The following GPR149 variants were observed in gnomAD, a reference collection of about 807,000 sequenced individuals.
GPR149 encodes the protein probable G protein-coupled receptor 149.
GPR149 carries 50 observed loss-of-function variants against 50.2 expected under a neutral mutation model. That is an observed-to-expected ratio of 1.00 (90% CI 0.79 to 1.26). The LOEUF (loss-of-function observed/expected upper bound fraction) is 1.26, where lower values mean the gene tolerates loss of function less well. Ranked by LOEUF, GPR149 falls within the 50% of genes most tolerant of loss-of-function variation. The pLI is 0.00. For synonymous variants in GPR149, 405 were observed against 358.2 expected, an observed-to-expected ratio of 1.13 and a Z score of -1.48; for missense variants, 983 against 895.4, an observed-to-expected ratio of 1.10 and a Z score of -1.25.
chr3:154,404,788 G>A (rs1711637585), intron 3 of GPR149, among the ~76,000 whole-genome samples: 1 of 152,120 alleles, frequency 6.6e-6, no homozygotes, highest in Non-Finnish European at 1.5e-5. Flanking sequence ...TGAATACTAA[G>A]TGAGCAATTT....
chr3:154,383,272 A>C (rs1714973268), intron 3 of GPR149, among the ~76,000 whole-genome samples: 1 of 152,170 alleles, frequency 6.6e-6, no homozygotes, highest in African/African-American at 2.4e-5. Flanking sequence ...TGGGGGCGAG[A>C]CATTCCACTG....
intron 3 of GPR149, among the ~76,000 whole-genome samples, chr3:154,371,158 C>T (rs1714656008): frequency 6.6e-6 from 1 of 152,136 alleles, no homozygotes; most frequent in Non-Finnish European, 1.5e-5. Context: ...CATTTAAAAG[C>T]TCAAGGTTTA....
chr3:154,419,317 G>A (rs1396896085), intron 3 of GPR149, among the ~76,000 whole-genome samples: 3 of 152,044 alleles, frequency 2.0e-5, no homozygotes, highest in African/African-American at 4.8e-5. Context: ...TGCAAGCAGT[G>A]TCTGATTCTT....
intron 3 of GPR149, among the ~76,000 whole-genome samples, chr3:154,397,014 T>A (rs146966220): frequency 6.6e-6 from 1 of 152,130 alleles, no homozygotes; most frequent in East Asian, 1.9e-4. Flanking sequence ...GTAACTTGGG[T>A]GTTTGAGTCT....
intron 3 of GPR149, among the ~76,000 whole-genome samples, chr3:154,360,563 G>A (rs1362633805): frequency 1.3e-5 from 2 of 152,170 alleles, no homozygotes; most frequent in African/African-American, 2.4e-5. Flanking sequence ...CCAATAAGTG[G>A]TAGAACTGGA....
Position 154,427,694 on chromosome 3 carries a change from G to A in GPR149, c.996C>T (p.Val332=), listed in dbSNP as rs1236399773. The A allele has an allele frequency of 6.2e-7, 1 of 1,612,544 alleles. No homozygotes were observed. The highest frequency in any genetic ancestry group is 8.5e-7 in the Non-Finnish European group (1 of 1,179,222). ...LWLPMMMHMV[V]QNVVGFQSLP... is the part of the protein sequence containing the mutation. ...GGCTCTGAAACCCCACGACGTTCTG[G>A]ACCACCATGTGCATCTGCAAGGGCA... The change falls in exon 2 of 4, where the codon GTC becomes GTT. Residue 332 remains valine, a synonymous_variant. Coordinates refer to ENST00000389740, the MANE Select transcript of GPR149 (RefSeq NM_001038705.3).
intron 3 of GPR149, among the ~76,000 whole-genome samples, chr3:154,418,378 T>C (rs1269800119): frequency 2.7e-5 from 3 of 110,878 alleles, no homozygotes; most frequent in African/African-American, 1.2e-4. Context: ...ATGTTTATTG[T>C]GGCATTATTC....
At chr3:154,427,469 T>C in intron 2 of GPR149, 47 bp downstream of exon 2, 1 of 1,518,322 alleles carries the variant, frequency 6.6e-7, no homozygotes, top group African/African-American at 1.4e-5. Flanking sequence ...TTTCTGAAAG[T>C]CACCTAATGC....
Position 154,337,944 on chromosome 3 carries a change from A to T in GPR149, c.1951T>A (p.Ser651Thr), listed in dbSNP as rs766391488. The T allele has an allele frequency of 6.2e-7, 1 of 1,613,668 alleles. No homozygotes were observed. The highest frequency in any genetic ancestry group is 8.5e-7 in the Non-Finnish European group (1 of 1,179,736). ...SQSSTQVRSP[S>T]LRYSRKENRF... Reference sequence around the variant, plus strand: ...TTTTCTTTCCTGGAGTAACGTAGGGATGGAGATCTGACTTGTGTGGAGGAC... The same window carrying T: ...TTTTCTTTCCTGGAGTAACGTAGGGTTGGAGATCTGACTTGTGTGGAGGAC... The change falls in exon 4 of 4, where the codon TCC becomes ACC. Residue 651 changes from serine (S) to threonine (T), a missense_variant. Ser to Thr is a moderately conservative substitution (Grantham distance 58). Transcript: ENST00000389740.
At chr3:154,414,619 A>G (rs1027268685) in intron 3 of GPR149, among the ~76,000 whole-genome samples, 2 of 152,056 alleles carry the variant, frequency 1.3e-5, no homozygotes, top group African/African-American at 2.4e-5. Flanking sequence ...CACCAATTTT[A>G]TGAAGGGATC....
intron 3 of GPR149, among the ~76,000 whole-genome samples, chr3:154,351,597 T>G (rs1011842692): frequency 6.6e-6 from 1 of 152,186 alleles, no homozygotes; most frequent in African/African-American, 2.4e-5. Flanking sequence ...GGGAGTCTAT[T>G]GTTGAACCTG....
At chr3:154,405,845 G>A (rs1034165201) in intron 3 of GPR149, among the ~76,000 whole-genome samples, 1 of 151,142 alleles carries the variant, frequency 6.6e-6, no homozygotes, top group Non-Finnish European at 1.5e-5. Flanking sequence ...AAAAAGCATG[G>A]GTGAATTCCA....
chr3:154,421,418 T>G lies in GPR149; in HGVS notation c.1244A>C (p.Glu415Ala). The change falls in exon 3 of 4, where the codon GAA becomes GCA. Residue 415 changes from glutamate (E) to alanine (A), a missense_variant. Glu to Ala is a moderately radical substitution (Grantham distance 107, BLOSUM62 -1). Coordinates refer to ENST00000389740, the MANE Select transcript of GPR149 (RefSeq NM_001038705.3). ...KSYGIYKIAHEDYYDDDENSI... is the reference protein window; with the variant it reads ...KSYGIYKIAHADYYDDDENSI... The stretch of plus-strand genomic sequence containing the variant: ...ATTTTCATCATCATCATAGTAATCT[T>G]CATGTGCTATTTTATAAATCCCATA... 6.2e-7 allele frequency: 1 copy of G among 1,608,686 alleles called. No individual in the cohort carries two copies. The highest frequency in any genetic ancestry group is 8.5e-7 in the Non-Finnish European group (1 of 1,177,214).
In GPR149 at chr3:154,351,330, A is replaced by T. The variant is rs1370204572; in HGVS notation, c.1624-13059T>A. Among the ~76,000 whole-genome samples the T allele has an allele frequency of 3.3e-5, 5 of 150,276 alleles. 1 individual carries two copies. The highest frequency in any genetic ancestry group is 4.8e-5 in the African/African-American group (2 of 41,266). ...TCCACATACAAAAAAAAAAAAAAAA[A>T]AAAAAAAAAAAAAAATAACCAGCTA... On this transcript the variant is annotated intron_variant, in intron 3 of 3. Transcript: ENST00000389740.
chr3:154,354,095 C>T (rs1714155742), intron 3 of GPR149: 1 of 471,628 alleles, frequency 2.1e-6, no homozygotes. Flanking sequence ...TGAAAGTCTA[C>T]AAATCCTTCT....
chr3:154,400,148 G>A (rs750924133), intron 3 of GPR149, among the ~76,000 whole-genome samples: 4 of 151,716 alleles, frequency 2.6e-5, no homozygotes, highest in African/African-American at 9.7e-5. Flanking sequence ...CACTGCGCCC[G>A]GCTAATTTTC....
chr3:154,367,583 G>T (rs1215618828), intron 3 of GPR149, among the ~76,000 whole-genome samples: 1 of 152,134 alleles, frequency 6.6e-6, no homozygotes, highest in Non-Finnish European at 1.5e-5. Context: ...CCCACTGCAC[G>T]TATTTCCCTC....
At chr3:154,370,651 A>G (rs113452279) in intron 3 of GPR149, among the ~76,000 whole-genome samples, 19 of 152,118 alleles carry the variant, frequency 1.2e-4, no homozygotes, top group Admixed American at 5.2e-4. Context: ...AGCTCATGCC[A>G]TCACCCACAC....
chr3:154,351,336 A>T (rs1377332316), intron 3 of GPR149, among the ~76,000 whole-genome samples: 4 of 150,470 alleles, frequency 2.7e-5, no homozygotes, highest in Non-Finnish European at 5.9e-5. Flanking sequence ...AAAAAAAAAA[A>T]AAAAAAAAAT....
Sources: gnomAD v4.1 joint callset for allele counts (sites outside exome capture counted in the v4.1 genomes callset) on GRCh38, gnomAD v4.1.1 for gene constraint, MANE v1.5 for transcripts, NCBI Gene and HGNC (gene_info 2026-07-23, HGNC 2026-07-21) for gene names.